MYO1D: variants seen among roughly 807,000 people sequenced by gnomAD.
The protein encoded by MYO1D is myosin ID.
In MYO1D, 83 loss-of-function variants were observed where a neutral mutation model predicts 122.0. The observed-to-expected ratio is 0.68, with a 90% CI of 0.57 to 0.82. The LOEUF (loss-of-function observed/expected upper bound fraction) is 0.82. Among genes scored for constraint, MYO1D ranks in the 40% least tolerant of loss-of-function variants. The probability of loss-of-function intolerance (pLI) is 0.00; values close to 1 mark genes in which losing one functional copy is unlikely to be tolerated. For synonymous variants in MYO1D, 464 were observed against 446.9 expected (o/e 1.04, Z -0.48); for missense variants, 1,157 against 1,269.5 (o/e 0.91, Z 1.35).
intron 21 of MYO1D, among the ~76,000 whole-genome samples, chr17:32,604,079 A>T (rs2087596562): frequency 6.6e-6 from 1 of 152,116 alleles, no homozygotes. Flanking sequence ...CCCACCTCTA[A>T]AATTATGCTC....
Position 32,492,856 on chromosome 17 carries a change from T to C in MYO1D, c.*1903A>G, listed in dbSNP as rs1217575836. 2 of 130,944 alleles carry C rather than the reference T, an allele frequency of 1.5e-5. No individual in the cohort carries two copies. Among genetic ancestry groups the C allele is most frequent in the African/African-American group, 5.5e-5 (2 of 36,586 alleles). 8.1% of individuals were successfully genotyped at this position (130,944 alleles called of 1,614,324 possible). A position where few individuals can be genotyped will look rare whatever the true frequency, so the allele number is the denominator to read the frequency against. ...GCCACATACTGTGGCTTTTAGTACA[T>C]CATAAAAAAGTGCTTGTCCTGTGGC... On this transcript the variant is annotated 3_prime_UTR_variant, in exon 22 of 22. Transcript: ENST00000318217.
intron 20 of MYO1D, among the ~76,000 whole-genome samples, chr17:32,631,478 A>G (rs1259288095): frequency 6.6e-6 from 1 of 152,088 alleles, no homozygotes; most frequent in Non-Finnish European, 1.5e-5. Flanking sequence ...CCCTGTCTCT[A>G]CAAAAAAAAT....
At chr17:32,780,411 G>A (rs1389303560) in intron 2 of MYO1D, among the ~76,000 whole-genome samples, 165 bp downstream of exon 2, 1 of 151,958 alleles carries the variant, frequency 6.6e-6, no homozygotes, top group East Asian at 1.9e-4. Flanking sequence ...GATCAGAAAT[G>A]ATATAAATAA....
intron 21 of MYO1D, among the ~76,000 whole-genome samples, chr17:32,519,905 A>ATTT (rs1483731313): frequency 1.1e-4 from 13 of 118,684 alleles, no homozygotes; most frequent in African/African-American, 3.3e-4. Flanking sequence ...TTTTTTTAAA[A>ATTT]AAAAAAACCA....
chr17:32,748,686 A>G (rs1455995083), intron 12 of MYO1D, among the ~76,000 whole-genome samples: 1 of 152,192 alleles, frequency 6.6e-6, no homozygotes, highest in Non-Finnish European at 1.5e-5. Flanking sequence ...GCTGATTCTT[A>G]CTGAACACGA....
intron 21 of MYO1D, among the ~76,000 whole-genome samples, chr17:32,578,952 T>C (rs1172075313): frequency 6.6e-6 from 1 of 152,234 alleles, no homozygotes; most frequent in Non-Finnish European, 1.5e-5. Flanking sequence ...TCTGGTCATA[T>C]CTACATACCT....
At chr17:32,586,228 T>G (rs997423226) in intron 21 of MYO1D, among the ~76,000 whole-genome samples, 1 of 152,194 alleles carries the variant, frequency 6.6e-6, no homozygotes, top group African/African-American at 2.4e-5. Flanking sequence ...ACTATGTCCC[T>G]CATCCTCTTA....
intron 16 of MYO1D, among the ~76,000 whole-genome samples, chr17:32,698,299 TCTC>T (rs2089199910): frequency 1.7e-5 from 1 of 58,558 alleles, no homozygotes; most frequent in South Asian, 8.5e-4. Context: ...CCTTCCCCCC[TCTC>T]CCTCCCCCTT....
chr17:32,776,121 T>A, intron 3 of MYO1D, 92 bp from the exon 4 acceptor site: 2 of 1,111,478 alleles, frequency 1.8e-6, no homozygotes, highest in Non-Finnish European at 2.6e-6. Flanking sequence ...TACAAATATT[T>A]ATACAAAGAT....
At chr17:32,701,689 A>G (rs1459508537) in intron 16 of MYO1D, among the ~76,000 whole-genome samples, 3 of 152,138 alleles carry the variant, frequency 2.0e-5, no homozygotes, top group Non-Finnish European at 4.4e-5. Context: ...CAGGCTTCTG[A>G]GTAGCTGGGA....
chr17:32,824,754 C>T lies in MYO1D; in HGVS notation c.96-43970G>A, dbSNP rs116838230. Among the ~76,000 whole-genome samples, 606 of 152,280 alleles carry T rather than the reference C, an allele frequency of 4.0e-3. 3 individuals are homozygous for T. Among genetic ancestry groups the T allele is most frequent in the African/African-American group, 0.013 (558 of 41,558 alleles). ...AATAGAAAACAAACCATATACAGAA[C>T]ATTATTATGGCATACTCTCATTATT... is the stretch of plus-strand genomic sequence containing the variant. On this transcript the variant is annotated intron_variant, in intron 1 of 21. Transcript: ENST00000318217.
intron 19 of MYO1D, among the ~76,000 whole-genome samples, chr17:32,649,567 C>CTTT (rs35514290): frequency 5.0e-4 from 47 of 93,974 alleles, no homozygotes; most frequent in South Asian, 6.7e-4. Context: ...TTCTTTCTTT[C>CTTT]TTTTTTTTTT....
intron 13 of MYO1D, among the ~76,000 whole-genome samples, chr17:32,739,180 C>T (rs2089744433): frequency 6.6e-6 from 1 of 152,036 alleles, no homozygotes; most frequent in Admixed American, 6.6e-5. Context: ...CAAAATGTTG[C>T]TTGCTTCCTA....
rs1054330616 is a variant in MYO1D at position 32,784,143 on chromosome 17, C to T, written c.96-3359G>A. ...GTAAGAGCATACAGGGTCTGGCCTC[C>T]GGGTTTCTGTTGACTTCCATCTACC... On this transcript the variant is annotated intron_variant, in intron 1 of 21. Coordinates refer to ENST00000318217, the MANE Select transcript of MYO1D (RefSeq NM_015194.3). 5.9e-5 allele frequency among the ~76,000 whole-genome samples: 9 copies of T among 152,260 alleles called. No homozygotes were observed. In the East Asian group the frequency reaches 7.7e-4, roughly 13 times the overall value.
chr17:32,764,573 A>T (rs1347000974), intron 8 of MYO1D, among the ~76,000 whole-genome samples: 1 of 151,978 alleles, frequency 6.6e-6, no homozygotes, highest in Non-Finnish European at 1.5e-5. Context: ...AATAAAACTT[A>T]AAAAAAATGG....
intron 1 of MYO1D, among the ~76,000 whole-genome samples, chr17:32,806,751 T>A (rs2430984): frequency 1.3e-5 from 2 of 151,970 alleles, no homozygotes; most frequent in Non-Finnish European, 2.9e-5. Flanking sequence ...TCTGTTACTA[T>A]GTTTTTATAG....
chr17:32,871,872 T>C (rs931158872), intron 1 of MYO1D, among the ~76,000 whole-genome samples: 31 of 152,190 alleles, frequency 2.0e-4, no homozygotes, highest in Non-Finnish European at 7.4e-5. Flanking sequence ...AACTCACGTA[T>C]AGGAATGGCC....
intron 16 of MYO1D, among the ~76,000 whole-genome samples, chr17:32,698,079 G>A (rs1301993138): frequency 2.6e-5 from 4 of 152,160 alleles, no homozygotes; most frequent in Non-Finnish European, 4.4e-5. Context: ...CCACTCAGTG[G>A]CTTTAGCTCC....
chr17:32,494,815 G>C lies in MYO1D; in HGVS notation c.2965C>G (p.Gln989Glu), dbSNP rs200185034. ...GAGCGATTCTTGGTGAAGTCGGGCTGGGGCTGGTTGAGCCGCGTCTCCACG... is the reference window on the plus strand; with the variant it reads ...GAGCGATTCTTGGTGAAGTCGGGCTCGGGCTGGTTGAGCCGCGTCTCCACG... ...VSVETRLNQP[Q>E]PDFTKNRSGF... Residue 989 changes from glutamine (Q) to glutamate (E), a missense_variant, in exon 22 of 22, where the codon CAG becomes GAG. Coordinates refer to ENST00000318217, the MANE Select transcript of MYO1D (RefSeq NM_015194.3). 1.4e-4 allele frequency: 229 copies of C among 1,613,644 alleles called. No homozygotes were observed. The Middle Eastern group carries it at 3.1e-3, about 22-fold the overall frequency.
Sources: allele counts gnomAD v4.1 joint callset (sites outside exome capture counted in the v4.1 genomes callset), GRCh38; gene constraint gnomAD v4.1.1; transcripts MANE v1.5; gene names NCBI Gene and HGNC (gene_info 2026-07-23, HGNC 2026-07-21).